PLPP4: variants seen among roughly 807,000 people sequenced by gnomAD.
PLPP4 encodes the protein phospholipid phosphatase 4.
In PLPP4, 20 loss-of-function variants were observed where a neutral mutation model predicts 32.2. The ratio of observed to expected loss-of-function variants is 0.62; its 90% CI spans 0.44 to 0.90. The LOEUF is 0.90. Ranked by LOEUF, PLPP4 falls within the 40% of genes least tolerant of loss-of-function variation. The probability of loss-of-function intolerance (pLI) is 0.00; values close to 1 mark genes in which losing one functional copy is unlikely to be tolerated. For missense variants in PLPP4, 257 were observed against 353.1 expected (o/e 0.73, Z 2.18); for synonymous variants, 127 against 133.0 (o/e 0.95, Z 0.31).
chr10:120,567,594 T>C (rs1257045618), intron 5 of PLPP4, among the ~76,000 whole-genome samples: 6 of 152,226 alleles, frequency 3.9e-5, no homozygotes, highest in African/African-American at 1.4e-4. Flanking sequence ...ATTTGTTGTC[T>C]GGGGCAAGTC....
intron 1 of PLPP4, among the ~76,000 whole-genome samples, chr10:120,494,751 T>A (rs1844886459): frequency 6.6e-6 from 1 of 152,192 alleles, no homozygotes; most frequent in African/African-American, 2.4e-5. Flanking sequence ...TAGGAGCAAC[T>A]TCTTGGGGTC....
At chr10:120,457,221 C>T (rs868632633), upstream of PLPP4, 12 of 1,158,514 alleles carry the variant, frequency 1.0e-5, no homozygotes, top group African/African-American at 1.6e-4. Context: ...CCTCGCCTCC[C>T]AGGGTCTGGC....
At chr10:120,565,264 C>A (rs1379581871) in intron 5 of PLPP4, among the ~76,000 whole-genome samples, 1 of 151,582 alleles carries the variant, frequency 6.6e-6, no homozygotes, top group Non-Finnish European at 1.5e-5. Flanking sequence ...ATCAGCCTTA[C>A]AACTTTCTGC....
chr10:120,589,505 A>G lies in PLPP4; in HGVS notation c.*3A>G, dbSNP rs1169420298. ...GGATCACCGAAGGCCCGGTATGACCAGTGTCCTGGGAGGATGGACACTAAG... is the reference window on the plus strand; with the variant it reads ...GGATCACCGAAGGCCCGGTATGACCGGTGTCCTGGGAGGATGGACACTAAG... On this transcript the variant is annotated 3_prime_UTR_variant, in exon 7 of 7. Transcript: ENST00000398250. 2 of 1,613,114 alleles carry G rather than the reference A, an allele frequency of 1.2e-6. No individual in the cohort carries two copies. The highest frequency in any genetic ancestry group is 1.7e-6 in the Non-Finnish European group (2 of 1,179,536).
At chr10:120,560,978 A>G (rs1362065471) in intron 5 of PLPP4, among the ~76,000 whole-genome samples, 2 of 152,158 alleles carry the variant, frequency 1.3e-5, no homozygotes, top group African/African-American at 2.4e-5. Context: ...ACATTATTCA[A>G]GGGTCAACTG....
chr10:120,493,142 T>C (rs1300056093), intron 1 of PLPP4, among the ~76,000 whole-genome samples: 1 of 152,246 alleles, frequency 6.6e-6, no homozygotes, highest in Non-Finnish European at 1.5e-5. Context: ...TAATAGCTTT[T>C]GGTTTGTTTT....
intron 2 of PLPP4, among the ~76,000 whole-genome samples, chr10:120,513,112 A>G (rs17632777): frequency 0.46 from 70,351 of 152,030 alleles, 16,625 homozygotes; most frequent in East Asian, 0.66. Flanking sequence ...CAATTTACTA[A>G]TTACGGAAGC....
chr10:120,579,365 C>T (rs992718219), intron 6 of PLPP4, among the ~76,000 whole-genome samples: 2 of 152,028 alleles, frequency 1.3e-5, no homozygotes, highest in Middle Eastern at 3.2e-3. Flanking sequence ...GGTTGGAAAG[C>T]GTCTCGGTCA....
intron 1 of PLPP4, among the ~76,000 whole-genome samples, chr10:120,482,893 C>T (rs1844273899): frequency 6.6e-6 from 1 of 152,140 alleles, no homozygotes; most frequent in African/African-American, 2.4e-5. Flanking sequence ...GCCTGGGTGA[C>T]AGAGTGAGAC....
At chr10:120,589,040 C>T (rs1371453079) in intron 6 of PLPP4, among the ~76,000 whole-genome samples, 1 of 152,092 alleles carries the variant, frequency 6.6e-6, no homozygotes, top group Non-Finnish European at 1.5e-5. Context: ...AGCAAGATTC[C>T]ATCAAAAACA....
At chr10:120,536,394 G>C (rs867438771) in intron 5 of PLPP4, among the ~76,000 whole-genome samples, 97 of 152,164 alleles carry the variant, frequency 6.4e-4, no homozygotes, top group African/African-American at 2.3e-3. Flanking sequence ...TGCATATAGG[G>C]TCAACTAATT....
intron 5 of PLPP4, among the ~76,000 whole-genome samples, chr10:120,573,269 A>G (rs1224036934): frequency 1.3e-5 from 2 of 152,242 alleles, no homozygotes; most frequent in Admixed American, 6.5e-5. Context: ...TATACCTACG[A>G]TAAACCTGGT....
intron 1 of PLPP4, among the ~76,000 whole-genome samples, chr10:120,494,058 A>G (rs1448038517): frequency 1.3e-5 from 2 of 152,180 alleles, no homozygotes; most frequent in African/African-American, 4.8e-5. Flanking sequence ...GGTCATATCA[A>G]TAAGAAATGT....
At chr10:120,491,853 A>G (rs1025956856) in intron 1 of PLPP4, among the ~76,000 whole-genome samples, 2 of 152,146 alleles carry the variant, frequency 1.3e-5, no homozygotes, top group African/African-American at 2.4e-5. Flanking sequence ...AAACCCAACA[A>G]CAAACATACA....
intron 1 of PLPP4, among the ~76,000 whole-genome samples, chr10:120,500,027 G>A (rs1811223646): frequency 6.6e-6 from 1 of 152,194 alleles, no homozygotes; most frequent in South Asian, 2.1e-4. Context: ...TCCACTGTCT[G>A]CATGCTTTGA....
intron 5 of PLPP4, among the ~76,000 whole-genome samples, chr10:120,562,040 A>G (rs1022696908): frequency 6.6e-6 from 1 of 152,290 alleles, no homozygotes; most frequent in South Asian, 2.1e-4. Context: ...CTAGGGTTCA[A>G]TTTGGGGAGA....
chr10:120,493,312 C>G (rs1423857571), intron 1 of PLPP4, among the ~76,000 whole-genome samples: 1 of 152,088 alleles, frequency 6.6e-6, no homozygotes. Context: ...CCTGTTGGGT[C>G]TAAGGGTTTG....
intron 1 of PLPP4, among the ~76,000 whole-genome samples, chr10:120,478,952 C>T (rs1339019839): frequency 2.0e-5 from 3 of 152,292 alleles, no homozygotes; most frequent in African/African-American, 4.8e-5. Flanking sequence ...ACTGGCTGGG[C>T]GCAGTGGCTC....
chr10:120,537,992 T>TTC (rs1158226991), intron 5 of PLPP4, among the ~76,000 whole-genome samples: 3 of 19,112 alleles, frequency 1.6e-4, no homozygotes, highest in African/African-American at 8.2e-4. Flanking sequence ...ACCAGGCCCT[T>TTC]TCTCTCTCTC....
Sources: allele counts gnomAD v4.1 joint callset (sites outside exome capture counted in the v4.1 genomes callset), GRCh38; gene constraint gnomAD v4.1.1; transcripts MANE v1.5; gene names NCBI Gene and HGNC (gene_info 2026-07-23, HGNC 2026-07-21).